P2RX7: variants seen among roughly 807,000 people sequenced by gnomAD.
The protein encoded by P2RX7 is purinergic receptor P2X 7.
P2RX7 carries 62 observed loss-of-function variants against 71.6 expected under a neutral mutation model. The observed-to-expected ratio is 0.87, with a 90% CI of 0.71 to 1.07. The LOEUF (loss-of-function observed/expected upper bound fraction) is 1.07, where lower values mean the gene tolerates loss of function less well. Ranked by LOEUF, P2RX7 falls within the 50% of genes least tolerant of loss-of-function variation. P2RX7 has a pLI of 0.00. For missense variants in P2RX7, 686 were observed against 748.5 expected (o/e 0.92, Z 0.97); for synonymous variants, 299 against 283.3 (o/e 1.06, Z -0.56).
chr12:121,133,101 T>C lies in P2RX7; in HGVS notation c.125+6T>C, dbSNP rs771788122. 1.2e-6 allele frequency: 2 copies of C among 1,614,124 alleles called. No homozygotes were observed. The highest frequency in any genetic ancestry group is 2.2e-5 in the South Asian group (2 of 91,082). ...ATCATCTTTTCCTACGTTTGGTAAG[T>C]GGGATCTGGGGAGGACCCAGATCTC... On this transcript the variant is annotated splice_donor_region_variant and intron_variant, in intron 1 of 12. Transcript: ENST00000328963.
At chr12:121,175,354 G>C (rs1882931812) in intron 8 of P2RX7, 34 bp from the exon 9 acceptor site, 2 of 1,358,736 alleles carry the variant, frequency 1.5e-6, no homozygotes, top group Non-Finnish European at 2.1e-6. Context: ...CTTTCAAAGG[G>C]ATCTTACAAA....
rs138932905 is a variant in P2RX7 at position 121,184,343 on chromosome 12, C to A, written c.1329C>A (p.Pro443=). ...AMDFTDLSRL[P]LALHDTPPIP... is the part of the protein sequence containing the mutation. ...ACTTCACAGATTTGTCCAGGCTGCC[C>A]CTGGCCCTCCATGACACACCCCCGA... Residue 443 remains proline (P), a synonymous_variant, in exon 13 of 13, where the codon CCC becomes CCA. Coordinates refer to ENST00000328963, the MANE Select transcript of P2RX7 (RefSeq NM_002562.6). 5.0e-5 allele frequency: 81 copies of A among 1,613,624 alleles called. No homozygotes were observed. The African/African-American group carries it at 1.0e-3, about 20-fold the overall frequency.
chr12:121,164,931 A>G (rs1044969269), intron 5 of P2RX7, among the ~76,000 whole-genome samples: 1 of 152,186 alleles, frequency 6.6e-6, no homozygotes, highest in Non-Finnish European at 1.5e-5. Context: ...AAGCAAACAC[A>G]TCTTACCATG....
At chr12:121,160,648 G>A (rs1237918924) in intron 3 of P2RX7, among the ~76,000 whole-genome samples, 2 of 152,128 alleles carry the variant, frequency 1.3e-5, no homozygotes, top group African/African-American at 4.8e-5. Flanking sequence ...TGTTCTCCAG[G>A]TCCATCCATG....
chr12:121,134,315 C>G (rs1331678414), intron 1 of P2RX7, among the ~76,000 whole-genome samples: 1 of 152,176 alleles, frequency 6.6e-6, no homozygotes, highest in Non-Finnish European at 1.5e-5. Context: ...TTCCTATCAG[C>G]AGAGTATGAG....
In P2RX7 at chr12:121,170,332, G is replaced by A. The variant is rs114703019; in HGVS notation, c.881+2708G>A. ...AGGTGTCAGCAAGTGTCCTTCCAGC[G>A]ACTGAGTTGAGCACAAAAACATCTG... is the stretch of plus-strand genomic sequence containing the variant. On this transcript the variant is annotated intron_variant, in intron 8 of 12. Coordinates refer to ENST00000328963, the MANE Select transcript of P2RX7 (RefSeq NM_002562.6). Among the ~76,000 whole-genome samples the A allele has an allele frequency of 7.7e-3, 1,172 of 152,192 alleles. 16 individuals carry two copies. Among genetic ancestry groups the A allele is most frequent in the African/African-American group, 0.028 (1,144 of 41,522 alleles).
rs906833682 is a variant in P2RX7, at chr12:121,149,822, G to A, written c.126-4963G>A. Among the ~76,000 whole-genome samples the A allele has an allele frequency of 1.3e-5, 2 of 151,878 alleles. No homozygotes were observed. The highest frequency in any genetic ancestry group is 4.8e-5 in the African/African-American group (2 of 41,330). On this transcript the variant is annotated intron_variant, in intron 1 of 12. Coordinates refer to ENST00000328963, the MANE Select transcript of P2RX7 (RefSeq NM_002562.6). This position sits in a 1 kb window ranked among gnomAD's most constrained non-coding sequence, Gnocchi z 4.7. ...TGGGCTCAAGGGATCCTCCTACCTC[G>A]GTCTAACAAGTAGCTGCGAATATAG...
intron 1 of P2RX7, among the ~76,000 whole-genome samples, chr12:121,133,412 G>C (rs559790415): frequency 6.6e-6 from 1 of 152,354 alleles, no homozygotes; most frequent in South Asian, 2.1e-4. Flanking sequence ...GGGAGGAGGC[G>C]AGGATCTCAG....
Position 121,146,999 on chromosome 12 carries a change from G to A in P2RX7, c.126-7786G>A, listed in dbSNP as rs143552722. 2.6e-5 allele frequency among the ~76,000 whole-genome samples: 4 copies of A among 152,350 alleles called. No individual in the cohort carries two copies. The East Asian group carries it at 5.8e-4, about 22-fold the overall frequency. On this transcript the variant is annotated intron_variant, in intron 1 of 12. Transcript: ENST00000328963. ...CACAGGTGGCACAATCCCATATAGG[G>A]AGAATCCCAAAGAATTCACAAGAAA...
intron 1 of P2RX7, among the ~76,000 whole-genome samples, chr12:121,134,202 G>A (rs1247631603): frequency 1.3e-5 from 2 of 152,018 alleles, no homozygotes; most frequent in African/African-American, 2.4e-5. Context: ...CCTTTCTCTC[G>A]AATATGTACC....
In P2RX7 at chr12:121,154,872, G is replaced by C; in HGVS notation, c.213G>C (p.Val71=). 1 of 1,614,206 alleles carries C rather than the reference G, an allele frequency of 6.2e-7. No individual in the cohort carries two copies. The part of the protein sequence containing the change: ...VHTKVKGIAE[V]KEEIVENGVK... Reference sequence around the variant, plus strand: ...CCAAGGTGAAGGGGATAGCAGAGGTGAAAGAGGAGATCGTGGAGAATGGAG... The same window carrying C: ...CCAAGGTGAAGGGGATAGCAGAGGTCAAAGAGGAGATCGTGGAGAATGGAG... Residue 71 remains valine, a synonymous_variant, in exon 2 of 13, where the codon GTG becomes GTC. Coordinates refer to ENST00000328963, the MANE Select transcript of P2RX7 (RefSeq NM_002562.6). The surrounding 1 kb of genome is among the most constrained non-coding windows in gnomAD (Gnocchi z 4.2).
chr12:121,165,438 G>GT lies in P2RX7; in HGVS notation c.614+2dup, dbSNP rs1274581794. 1.9e-6 allele frequency: 3 copies of GT among 1,612,646 alleles called. No individual in the cohort carries two copies. The highest frequency in any genetic ancestry group is 2.5e-6 in the Non-Finnish European group (3 of 1,178,834). On this transcript the variant is annotated splice_donor_variant, in intron 6 of 12. Transcript: ENST00000328963. LOFTEE classifies it high-confidence loss of function. ...ACTTCCCCGGCCACAACTACACCACGTAAGTGCCCAGGCTGCCTGGCTGTC... is the reference window on the plus strand; with the variant it reads ...ACTTCCCCGGCCACAACTACACCACGTTAAGTGCCCAGGCTGCCTGGCTGTC...
intron 2 of P2RX7, among the ~76,000 whole-genome samples, chr12:121,155,803 C>A (rs948502102): frequency 1.1e-3 from 163 of 144,464 alleles, no homozygotes; most frequent in African/African-American, 4.0e-3. Flanking sequence ...AAAAAAAAAA[C>A]AAAAACAAAA....
intron 3 of P2RX7, among the ~76,000 whole-genome samples, chr12:121,159,417 CAAAAAAA>C (rs397850013): frequency 6.1e-4 from 40 of 65,756 alleles, no homozygotes; most frequent in South Asian, 4.3e-3. Context: ...ACTCTGTCTC[CAAAAAAA>C]AAAAAAAAAA....
In P2RX7 at chr12:121,165,437, C is replaced by T. The variant is rs140915863; in HGVS notation, c.614C>T (p.Thr205Met). The T allele has an allele frequency of 3.6e-4, 577 of 1,612,728 alleles. 1 individual carries two copies. The highest frequency in any genetic ancestry group is 1.7e-3 in the Middle Eastern group (10 of 6,060). ...GACTTCCCCGGCCACAACTACACCA[C>T]GTAAGTGCCCAGGCTGCCTGGCTGT... ...NIDFPGHNYT[T>M]RNILPGLNIT... The change falls in exon 6 of 13, where the codon ACG (threonine) becomes ATG (methionine). Residue 205 changes from threonine to methionine, a missense_variant and splice_region_variant. Coordinates refer to ENST00000328963, the MANE Select transcript of P2RX7 (RefSeq NM_002562.6).
intron 3 of P2RX7, among the ~76,000 whole-genome samples, chr12:121,158,396 C>T (rs1364589093): frequency 6.6e-6 from 1 of 152,174 alleles, no homozygotes; most frequent in African/African-American, 2.4e-5. Flanking sequence ...ACATCTCTTC[C>T]TCTCTGGGAA....
intron 1 of P2RX7, among the ~76,000 whole-genome samples, chr12:121,139,162 G>A (rs1314698997): frequency 6.6e-6 from 1 of 152,152 alleles, no homozygotes; most frequent in African/African-American, 2.4e-5. Context: ...GGCTGGTCTT[G>A]AACTCCTGAC....
chr12:121,155,005 G>C, intron 2 of P2RX7, 52 bp downstream of exon 2: 1 of 1,603,254 alleles, frequency 6.2e-7, no homozygotes. Flanking sequence ...CCGTCGCCAG[G>C]GCCTAGCTCC....
intron 1 of P2RX7, among the ~76,000 whole-genome samples, chr12:121,144,788 G>T (rs951175301): frequency 5.3e-5 from 8 of 152,276 alleles, no homozygotes; most frequent in Admixed American, 2.6e-4. Flanking sequence ...ATATTAGGAA[G>T]TGAAACAGTA....
Sources: allele counts gnomAD v4.1 joint callset (sites outside exome capture counted in the v4.1 genomes callset), GRCh38; gene constraint gnomAD v4.1.1; non-coding constraint Gnocchi (gnomAD v3.1); transcripts MANE v1.5; gene names NCBI Gene and HGNC (gene_info 2026-07-23, HGNC 2026-07-21).